The following EPHA6 variants were observed in gnomAD, a reference collection of about 807,000 sequenced individuals.
The protein encoded by EPHA6 is ephrin type-A receptor 6.
In EPHA6, 50 loss-of-function variants were observed where a neutral mutation model predicts 112.0. The ratio of observed to expected loss-of-function variants is 0.45; its 90% CI spans 0.36 to 0.56. The LOEUF (loss-of-function observed/expected upper bound fraction) is 0.56. Ranked by LOEUF, EPHA6 falls within the 20% of genes least tolerant of loss-of-function variation. The pLI is 0.00. For synonymous variants in EPHA6, 529 were observed against 490.7 expected, an observed-to-expected ratio of 1.08 and a Z score of -1.03; for missense variants, 1,280 against 1,417.4, an observed-to-expected ratio of 0.90 and a Z score of 1.56.
At chr3:96,894,083 T>A (rs1251338546) in intron 2 of EPHA6, among the ~76,000 whole-genome samples, 1 of 152,202 alleles carries the variant, frequency 6.6e-6, no homozygotes, top group Non-Finnish European at 1.5e-5. Flanking sequence ...TCAAGACTTT[T>A]AAGGACAGAA....
intron 2 of EPHA6, among the ~76,000 whole-genome samples, chr3:96,904,374 G>A (rs532947485): frequency 6.7e-4 from 99 of 147,974 alleles, no homozygotes; most frequent in South Asian, 2.6e-3. Context: ...ACCAAACACC[G>A]CGTGTTGTCA....
At chr3:97,443,539 C>T (rs913002274) in intron 6 of EPHA6, among the ~76,000 whole-genome samples, 1 of 152,034 alleles carries the variant, frequency 6.6e-6, no homozygotes, top group Non-Finnish European at 1.5e-5. Flanking sequence ...ATTCTATTCC[C>T]AGGCTTGAAC....
intron 6 of EPHA6, chr3:97,441,578 TA>T (rs1201294929): frequency 3.7e-6 from 1 of 267,164 alleles, no homozygotes; most frequent in Admixed American, 6.5e-5. Context: ...AATATTATGC[TA>T]AAGCATTGCA....
intron 3 of EPHA6, among the ~76,000 whole-genome samples, chr3:97,064,862 G>A (rs561365340): frequency 1.5e-4 from 23 of 152,162 alleles, no homozygotes; most frequent in East Asian, 9.7e-4. Flanking sequence ...TTGCTTCATC[G>A]TGACTGCTGC....
chr3:97,427,737 T>A (rs2089241102), intron 6 of EPHA6, among the ~76,000 whole-genome samples: 1 of 151,260 alleles, frequency 6.6e-6, no homozygotes, highest in Non-Finnish European at 1.5e-5. Flanking sequence ...ATGCAGCCAT[T>A]AAAAAAAACA....
intron 2 of EPHA6, among the ~76,000 whole-genome samples, chr3:96,875,803 T>C (rs181553348): frequency 2.0e-5 from 3 of 152,182 alleles, no homozygotes; most frequent in East Asian, 1.9e-4. Context: ...TCAAATCTTC[T>C]TGACTTACAT....
chr3:96,903,867 C>T (rs1438390343), intron 2 of EPHA6, among the ~76,000 whole-genome samples: 2 of 152,138 alleles, frequency 1.3e-5, no homozygotes, highest in Non-Finnish European at 2.9e-5. Context: ...TGCTCATCAT[C>T]ACTGGCCATC....
intron 13 of EPHA6, among the ~76,000 whole-genome samples, chr3:97,629,456 T>A (rs1377937025): frequency 6.6e-6 from 1 of 151,952 alleles, no homozygotes; most frequent in Non-Finnish European, 1.5e-5. Context: ...TTTTTGTAAA[T>A]TAGGAGTTTA....
intron 5 of EPHA6, among the ~76,000 whole-genome samples, chr3:97,355,049 A>G (rs2083998402): frequency 1.3e-5 from 2 of 152,180 alleles, no homozygotes; most frequent in South Asian, 4.1e-4. Context: ...AGAAATAAAG[A>G]TTTTCTGAGA....
intron 3 of EPHA6, among the ~76,000 whole-genome samples, chr3:97,213,878 T>G (rs182689421): frequency 6.6e-6 from 1 of 152,190 alleles, no homozygotes; most frequent in Admixed American, 6.5e-5. Flanking sequence ...GGTCTAATGG[T>G]TTTTCTATTT....
chr3:96,823,899 G>A (rs1379116969), intron 1 of EPHA6, among the ~76,000 whole-genome samples: 1 of 151,762 alleles, frequency 6.6e-6, no homozygotes, highest in African/African-American at 2.4e-5. Context: ...TACTGTTGGT[G>A]TAGCACATTG....
In EPHA6 at chr3:97,045,058, A is replaced by C. The variant is rs543596245; in HGVS notation, c.1114+57065A>C. 5.9e-5 allele frequency among the ~76,000 whole-genome samples: 9 copies of C among 152,218 alleles called. No homozygotes were observed. In the East Asian group the frequency reaches 1.5e-3, roughly 26 times the overall value. ...AATATGTAGTTATTGATTTATTTTA[A>C]TATCTGGTATTCTATGAGACACTTT... On this transcript the variant is annotated intron_variant, in intron 3 of 17. Coordinates refer to ENST00000389672, the MANE Select transcript of EPHA6 (RefSeq NM_001080448.3).
At chr3:97,610,680 A>G (rs2093711960) in intron 12 of EPHA6, 113 bp from the exon 13 acceptor site, 1 of 800,760 alleles carries the variant, frequency 1.2e-6, no homozygotes, top group Non-Finnish European at 2.1e-6. Flanking sequence ...GGAAAATGAA[A>G]TTCCTATTAA....
intron 1 of EPHA6, among the ~76,000 whole-genome samples, chr3:96,859,478 C>T (rs573227798): frequency 2.0e-5 from 3 of 151,174 alleles, no homozygotes; most frequent in African/African-American, 7.3e-5. Flanking sequence ...AACTCCTGGG[C>T]TCAAGCGATA....
chr3:96,887,910 CA>C (rs1180153520), intron 2 of EPHA6, among the ~76,000 whole-genome samples: 1 of 152,050 alleles, frequency 6.6e-6, no homozygotes, highest in Non-Finnish European at 1.5e-5. Context: ...AGCTCCCACG[CA>C]AACCAAAGGG....
At chr3:96,872,105 C>T (rs957619605) in intron 2 of EPHA6, among the ~76,000 whole-genome samples, 1 of 152,048 alleles carries the variant, frequency 6.6e-6, no homozygotes, top group African/African-American at 2.4e-5. Flanking sequence ...AAAAGATCAG[C>T]CTGCAAATGA....
At chr3:96,851,238 A>G (rs1328317636) in intron 1 of EPHA6, among the ~76,000 whole-genome samples, 1 of 152,148 alleles carries the variant, frequency 6.6e-6, no homozygotes, top group Non-Finnish European at 1.5e-5. Context: ...AGGTTATTTT[A>G]TATTATTCAG....
intron 10 of EPHA6, among the ~76,000 whole-genome samples, chr3:97,512,051 T>A (rs985474660): frequency 2.0e-5 from 3 of 152,184 alleles, no homozygotes; most frequent in African/African-American, 4.8e-5. Flanking sequence ...AAACTTTTTT[T>A]AAGTATGATG....
chr3:97,140,974 G>A (rs966513128), intron 3 of EPHA6, among the ~76,000 whole-genome samples: 2 of 152,058 alleles, frequency 1.3e-5, no homozygotes, highest in African/African-American at 4.8e-5. Context: ...AAAGTAAAGG[G>A]ATGGAGAAAG....
Sources: allele counts gnomAD v4.1 joint callset (sites outside exome capture counted in the v4.1 genomes callset), GRCh38; gene constraint gnomAD v4.1.1; transcripts MANE v1.5; gene names NCBI Gene and HGNC (gene_info 2026-07-23, HGNC 2026-07-21).